Variants in PSME4 observed in about 807,000 individuals in gnomAD.
PSME4 encodes the protein proteasome activator complex subunit 4.
PSME4 carries 89 observed loss-of-function variants against 253.9 expected under a neutral mutation model. That is an observed-to-expected ratio of 0.35 (90% CI 0.30 to 0.42). PSME4 has a LOEUF of 0.42. Among genes scored for constraint, PSME4 ranks in the 10% least tolerant of loss-of-function variants. PSME4 has a pLI of 1.00. For missense variants in PSME4, 2,014 were observed against 2,195.2 expected (o/e 0.92, Z 1.65); for synonymous variants, 851 against 759.2 (o/e 1.12, Z -1.99).
chr2:53,914,314 C>T (rs1405869421), intron 20 of PSME4, among the ~76,000 whole-genome samples: 1 of 152,134 alleles, frequency 6.6e-6, no homozygotes, highest in Non-Finnish European at 1.5e-5. Context: ...ATTCCTGTGA[C>T]TCTGGAAAGA....
In PSME4 at chr2:53,922,574, T is replaced by C. The variant is rs1369479994; in HGVS notation, c.1989A>G (p.Val663=). 6 of 1,612,500 alleles carry C rather than the reference T, an allele frequency of 3.7e-6. No homozygotes were observed. Among genetic ancestry groups the C allele is most frequent in the African/African-American group, 1.3e-5 (1 of 74,860 alleles). The change falls in exon 17 of 47, where the codon GTA becomes GTG. Residue 663 remains valine, a synonymous_variant. Coordinates refer to ENST00000404125, the MANE Select transcript of PSME4 (RefSeq NM_014614.3). The stretch of plus-strand genomic sequence containing the variant: ...CCTTGTCTAGCTCTTCATCATTTAA[T>C]ACATCATCATCTAAAAACAGCAAAA... ...VITQLTMNDD[V]LNDEELDKEL...
In PSME4 at chr2:53,888,735, G is replaced by A; in HGVS notation, c.4374C>T (p.Ser1458=). The change falls in exon 38 of 47, where the codon TCC becomes TCT. Residue 1458 remains serine, a synonymous_variant. Transcript: ENST00000404125. ...LESPLSGEGG[S]FVDACRLYVL... ...AAAAAATTTACCATGCATCTACAAA[G>A]GATCCTCCTTCACCACTCAATGGTG... 6.2e-7 allele frequency: 1 copy of A among 1,610,668 alleles called. No individual in the cohort carries two copies. The highest frequency in any genetic ancestry group is 8.5e-7 in the Non-Finnish European group (1 of 1,177,416).
rs145191874 is a variant in PSME4, at chr2:53,931,214, T to A, written c.1316+621A>T. ...AATCCTTGAACCAGGAAGGCGGAGGTTGCGGTGAGCCAAGATTTGCACTCC... is the reference window on the plus strand; with the variant it reads ...AATCCTTGAACCAGGAAGGCGGAGGATGCGGTGAGCCAAGATTTGCACTCC... On this transcript the variant is annotated intron_variant, in intron 10 of 46. Transcript: ENST00000404125. 8.8e-3 allele frequency among the ~76,000 whole-genome samples: 1,335 copies of A among 152,094 alleles called. 23 individuals are homozygous for A. Among genetic ancestry groups the A allele is most frequent in the African/African-American group, 0.03 (1,250 of 41,516 alleles).
At position 53,939,865 on chromosome 2, in the gene PSME4, T is replaced by C. The variant is rs1022150757; in HGVS notation, c.545+91A>G. ...TAACATCACAATGTCAGGAACTATT[T>C]ATACTTTTCATTTCCTTTTCAAACC... On this transcript the variant is annotated intron_variant, in intron 4 of 46. Coordinates refer to ENST00000404125, the MANE Select transcript of PSME4 (RefSeq NM_014614.3). 8.5e-6 allele frequency: 10 copies of C among 1,180,836 alleles called. No homozygotes were observed. The African/African-American group carries it at 1.4e-4, about 16-fold the overall frequency. 73.1% of individuals were successfully genotyped at this position (1,180,836 alleles called of 1,614,324 possible).
intron 14 of PSME4, among the ~76,000 whole-genome samples, chr2:53,924,250 A>C (rs545372905): frequency 1.3e-5 from 2 of 152,208 alleles, no homozygotes; most frequent in Non-Finnish European, 2.9e-5. Flanking sequence ...TTTTTGGTTA[A>C]ATAAGAGATG....
At chr2:53,947,538 T>C (rs1669774440) in intron 3 of PSME4, among the ~76,000 whole-genome samples, 1 of 151,962 alleles carries the variant, frequency 6.6e-6, no homozygotes, top group Admixed American at 6.6e-5. Context: ...ACACCGTCTC[T>C]ACTAAAAACA....
Position 53,923,360 on chromosome 2 carries a change from T to C in PSME4, c.1869A>G (p.Ala623=), listed in dbSNP as rs1328343992. The C allele has an allele frequency of 6.2e-7, 1 of 1,611,360 alleles. No homozygotes were observed. Among genetic ancestry groups the C allele is most frequent in the Admixed American group, 1.7e-5 (1 of 59,354 alleles). ...GGCACATGTCTGCCACCATGCGACCTGCTACTCTTGTTTCAAATATATGTG... is the reference window on the plus strand; with the variant it reads ...GGCACATGTCTGCCACCATGCGACCCGCTACTCTTGTTTCAAATATATGTG... ...STSHIFETRV[A]GRMVADMCRA... Residue 623 remains alanine, a synonymous_variant, in exon 15 of 47, where the codon GCA becomes GCG. Coordinates refer to ENST00000404125, the MANE Select transcript of PSME4 (RefSeq NM_014614.3).
At chr2:53,909,829 G>A (rs1667748150) in intron 21 of PSME4, among the ~76,000 whole-genome samples, 1 of 152,104 alleles carries the variant, frequency 6.6e-6, no homozygotes, top group African/African-American at 2.4e-5. Flanking sequence ...GGGCTTGGTG[G>A]TGCACACCTG....
rs180711930 is a variant in PSME4 at position 53,866,683 on chromosome 2, T to C, written c.5397+64A>G. On this transcript the variant is annotated intron_variant, in intron 45 of 46. Coordinates refer to ENST00000404125, the MANE Select transcript of PSME4 (RefSeq NM_014614.3). ...TAGTTCAGAGTGTATAGGAAATTAT[T>C]ATTATGGTTTCTTAGAAAACATCAC... is the stretch of plus-strand genomic sequence containing the variant. The C allele has an allele frequency of 8.7e-4, 1,325 of 1,520,078 alleles. 2 individuals are homozygous for C. The highest frequency in any genetic ancestry group is 1.1e-3 in the Non-Finnish European group (1,206 of 1,115,418). The allele number at this position is 1,520,078 out of a possible 1,614,324, so 94.2% of individuals were successfully genotyped here. A position where few individuals can be genotyped will look rare whatever the true frequency, so the allele number is the denominator to read the frequency against.
At position 53,906,787 on chromosome 2, in the gene PSME4, G is replaced by T. The variant is rs750550695; in HGVS notation, c.2847+19C>A. Reference sequence around the variant, plus strand: ...AATTGACATTTTAAAAAGTCACTATGACTGAAAAACATATTTACCTCATGC... The same window carrying T: ...AATTGACATTTTAAAAAGTCACTATTACTGAAAAACATATTTACCTCATGC... On this transcript the variant is annotated intron_variant, in intron 25 of 46. Transcript: ENST00000404125. 7 of 1,609,564 alleles carry T rather than the reference G, an allele frequency of 4.3e-6. No homozygotes were observed. In the African/African-American group the frequency reaches 9.4e-5, roughly 22 times the overall value.
At chr2:53,873,014 G>A (rs1020888345) in intron 43 of PSME4, among the ~76,000 whole-genome samples, 1 of 151,966 alleles carries the variant, frequency 6.6e-6, no homozygotes, top group South Asian at 2.1e-4. Flanking sequence ...GCTGAGACAG[G>A]CAGATCACGA....
chr2:53,963,900 T>G (rs1385984343), intron 1 of PSME4, among the ~76,000 whole-genome samples: 1 of 152,032 alleles, frequency 6.6e-6, no homozygotes, highest in Non-Finnish European at 1.5e-5. Flanking sequence ...ATAATATACT[T>G]CAAAAACAAT....
intron 5 of PSME4, among the ~76,000 whole-genome samples, 200 bp from the exon 6 acceptor site, chr2:53,937,027 T>A (rs1037162021): frequency 6.6e-6 from 1 of 152,224 alleles, no homozygotes. Context: ...TTAAGAAATA[T>A]GATCTCACAG....
At chr2:53,964,915 A>G (rs1670645298) in intron 1 of PSME4, among the ~76,000 whole-genome samples, 1 of 152,218 alleles carries the variant, frequency 6.6e-6, no homozygotes, top group Non-Finnish European at 1.5e-5. Flanking sequence ...CTGTACTTTC[A>G]ATTCTAAAGG....
At chr2:53,934,944 A>G (rs946353834) in intron 7 of PSME4, among the ~76,000 whole-genome samples, 2 of 152,226 alleles carry the variant, frequency 1.3e-5, no homozygotes, top group East Asian at 3.8e-4. Context: ...TCAGAGGCAC[A>G]TGGACATAAA....
At chr2:53,940,957 A>T (rs10178001) in intron 3 of PSME4, among the ~76,000 whole-genome samples, 8,822 of 17,760 alleles carry the variant, frequency 0.5, 1,196 homozygotes, top group Middle Eastern at 0.75. Flanking sequence ...ATATACATAT[A>T]TATATATATA....
intron 3 of PSME4, 35 bp from the exon 4 acceptor site, chr2:53,940,035 T>A: frequency 6.8e-7 from 1 of 1,475,128 alleles, no homozygotes; most frequent in South Asian, 1.2e-5. Context: ...ATTAGATTGG[T>A]GTATTTTAAG....
intron 8 of PSME4, chr2:53,932,979 A>C: frequency 2.1e-6 from 1 of 476,748 alleles, no homozygotes; most frequent in Non-Finnish European, 3.8e-6. Flanking sequence ...AGCTTACTTG[A>C]ACCAACATAA....
intron 17 of PSME4, among the ~76,000 whole-genome samples, chr2:53,922,239 C>G (rs1216091650): frequency 6.6e-6 from 1 of 151,802 alleles, no homozygotes; most frequent in African/African-American, 2.4e-5. Flanking sequence ...AAGTGTAGAC[C>G]AAAAAAATTC....
Sources: gnomAD v4.1 joint callset for allele counts (sites outside exome capture counted in the v4.1 genomes callset) on GRCh38, gnomAD v4.1.1 for gene constraint, MANE v1.5 for transcripts, NCBI Gene and HGNC (gene_info 2026-07-23, HGNC 2026-07-21) for gene names.